The following SAMD3 variants were observed in gnomAD, a reference collection of about 807,000 sequenced individuals.
The protein encoded by SAMD3 is sterile alpha motif domain-containing protein 3.
A neutral mutation model predicts 58.5 loss-of-function variants in SAMD3; 63 were observed. The ratio of observed to expected loss-of-function variants is 1.08; its 90% CI spans 0.88 to 1.33. The LOEUF is 1.33. Ranked by LOEUF, SAMD3 falls within the 40% of genes most tolerant of loss-of-function variation. The pLI, the probability that SAMD3 is intolerant of heterozygous loss-of-function variation, is 0.00. For missense variants in SAMD3, 604 were observed against 608.4 expected (o/e 0.99, Z 0.08); for synonymous variants, 220 against 210.3 (o/e 1.05, Z -0.40).
intron 1 of SAMD3, chr6:130,221,915 A>G (rs1045197147): frequency 3.9e-5 from 6 of 152,362 alleles, no homozygotes; most frequent in East Asian, 3.8e-4. Flanking sequence ...AAAAATCTAC[A>G]TTATTTGTAA....
intron 9 of SAMD3, 21 bp downstream of exon 9, chr6:130,154,804 A>G (rs1582734177): frequency 7.0e-7 from 1 of 1,435,062 alleles, no homozygotes; most frequent in Non-Finnish European, 9.8e-7. Context: ...GTGTGTGTAT[A>G]TATATATAGA....
In SAMD3 at chr6:130,318,423, AT is replaced by A. The variant is rs201477904; in HGVS notation, c.-303-5331del. On this transcript the variant is annotated intron_variant, in intron 1 of 13. Transcript: ENST00000368134. ...ACAATGTTTGACATCTAATAAAAAA[AT>A]TTTTTTTTTAATTTTTTATTTTGAG... Among the ~76,000 whole-genome samples, 464 of 151,028 alleles carry A rather than the reference AT, an allele frequency of 3.1e-3. 6 individuals are homozygous for A. The highest frequency in any genetic ancestry group is 8.5e-3 in the African/African-American group (348 of 40,988).
At chr6:130,201,114 GCTTAGAC>G (rs1375192711) in intron 5 of SAMD3, among the ~76,000 whole-genome samples, 1 of 152,070 alleles carries the variant, frequency 6.6e-6, no homozygotes, top group Non-Finnish European at 1.5e-5. Context: ...CACCGTCTTA[GCTTAGAC>G]CTTCATCAAT....
chr6:130,338,333 GA>G (rs1303802422), intron 1 of SAMD3, among the ~76,000 whole-genome samples: 1 of 152,246 alleles, frequency 6.6e-6, no homozygotes, highest in Non-Finnish European at 1.5e-5. Flanking sequence ...TGTACAGGCA[GA>G]AGTCTGCTGC....
At chr6:130,262,214 C>A (rs1443852361) in intron 2 of SAMD3, among the ~76,000 whole-genome samples, 1 of 151,958 alleles carries the variant, frequency 6.6e-6, no homozygotes, top group African/African-American at 2.4e-5. Context: ...AGCACTGAGG[C>A]CTTCCTATCA....
At chr6:130,228,468 C>G (rs1796447536) in intron 2 of SAMD3, among the ~76,000 whole-genome samples, 1 of 152,114 alleles carries the variant, frequency 6.6e-6, no homozygotes, top group South Asian at 2.1e-4. Context: ...CGATTCTTAC[C>G]TCTGGCTGCA....
At chr6:130,267,342 T>C (rs1053642616) in intron 2 of SAMD3, among the ~76,000 whole-genome samples, 3 of 152,278 alleles carry the variant, frequency 2.0e-5, no homozygotes, top group African/African-American at 4.8e-5. Context: ...CCGTACTTCT[T>C]CAAATGATAA....
intron 4 of SAMD3, among the ~76,000 whole-genome samples, chr6:130,211,077 AC>A (rs1795508847): frequency 1.3e-5 from 2 of 151,640 alleles, no homozygotes; most frequent in East Asian, 3.9e-4. Context: ...CCGAGACAGC[AC>A]CACTGTATTC....
intron 2 of SAMD3, among the ~76,000 whole-genome samples, chr6:130,263,047 AT>A (rs1774198553): frequency 6.6e-6 from 1 of 152,224 alleles, no homozygotes; most frequent in Admixed American, 6.5e-5. Context: ...TTTTATTAAA[AT>A]TAGGTTTAAC....
chr6:130,193,766 G>A (rs906939565), intron 5 of SAMD3, among the ~76,000 whole-genome samples: 17 of 152,126 alleles, frequency 1.1e-4, no homozygotes, highest in Non-Finnish European at 7.3e-5. Context: ...GCACTTTCAA[G>A]TTTTCCATCC....
intron 1 of SAMD3, among the ~76,000 whole-genome samples, chr6:130,346,139 C>T (rs907939843): frequency 3.0e-4 from 46 of 152,316 alleles, no homozygotes; most frequent in Admixed American, 1.2e-3. Flanking sequence ...CAGCTCCCAG[C>T]GTGAGTGACG....
At chr6:130,311,546 T>A (rs758023572) in intron 2 of SAMD3, among the ~76,000 whole-genome samples, 19 of 152,168 alleles carry the variant, frequency 1.2e-4, no homozygotes, top group Non-Finnish European at 2.5e-4. Context: ...AGGGAATACC[T>A]GAAGTGTTGA....
intron 8 of SAMD3, chr6:130,160,847 T>C (rs1429279308): frequency 6.6e-6 from 1 of 151,918 alleles, no homozygotes; most frequent in Non-Finnish European, 1.5e-5. Flanking sequence ...AAAAGAAAAA[T>C]AAAAATCTTT....
intron 9 of SAMD3, among the ~76,000 whole-genome samples, chr6:130,149,338 A>G (rs1788922921): frequency 6.6e-6 from 1 of 152,194 alleles, no homozygotes; most frequent in Non-Finnish European, 1.5e-5. Context: ...AGAACTTAAA[A>G]CAGAGCTACC....
intron 2 of SAMD3, among the ~76,000 whole-genome samples, chr6:130,229,691 G>T (rs1796486788): frequency 6.6e-6 from 1 of 152,180 alleles, no homozygotes; most frequent in Admixed American, 6.5e-5. Context: ...TTACAGACCT[G>T]TGTTTTCCCC....
At chr6:130,238,945 G>A (rs137879112) in intron 2 of SAMD3, among the ~76,000 whole-genome samples, 2 of 152,232 alleles carry the variant, frequency 1.3e-5, no homozygotes, top group African/African-American at 4.8e-5. Context: ...TTTTAGTAGA[G>A]ACGGGGTTTC....
At chr6:130,249,996 C>G (rs912526553) in intron 2 of SAMD3, among the ~76,000 whole-genome samples, 2 of 152,108 alleles carry the variant, frequency 1.3e-5, no homozygotes, top group African/African-American at 4.8e-5. Context: ...CCTGATCAAT[C>G]ACAGAGTTTG....
chr6:130,330,461 A>G lies in SAMD3; in HGVS notation c.-303-17368T>C, dbSNP rs533458374. Among the ~76,000 whole-genome samples the G allele has an allele frequency of 3.3e-5, 5 of 152,212 alleles. No homozygotes were observed. The East Asian group carries it at 7.7e-4, about 23-fold the overall frequency. ...CCTCAAAGCGTAGTGAGATTCAGTCATGTAGCTATGTTTTTGGAAGCTGGT... is the reference window on the plus strand; with the variant it reads ...CCTCAAAGCGTAGTGAGATTCAGTCGTGTAGCTATGTTTTTGGAAGCTGGT... On this transcript the variant is annotated intron_variant, in intron 1 of 13. Coordinates refer to the SAMD3 transcript ENST00000368134.
chr6:130,226,514 T>C (rs1428495841), upstream of SAMD3, among the ~76,000 whole-genome samples: 2 of 152,210 alleles, frequency 1.3e-5, no homozygotes, highest in East Asian at 1.9e-4. Flanking sequence ...TTGAGAAATG[T>C]GTATAACACT....
Sources: allele counts gnomAD v4.1 joint callset (sites outside exome capture counted in the v4.1 genomes callset), GRCh38; gene constraint gnomAD v4.1.1; transcripts MANE v1.5; gene names NCBI Gene and HGNC (gene_info 2026-07-23, HGNC 2026-07-21).